Variants in PDE11A observed in about 807,000 individuals in gnomAD.
The protein encoded by PDE11A is dual 3',5'-cyclic-AMP and -GMP phosphodiesterase 11A.
Under a neutral mutation model 100.5 loss-of-function variants are expected in PDE11A, and 100 were observed. That is an observed-to-expected ratio of 1.00 (90% CI 0.85 to 1.18). The LOEUF is 1.18. Among genes scored for constraint, PDE11A ranks in the 50% most tolerant of loss-of-function variants. The pLI, the probability that PDE11A is intolerant of heterozygous loss-of-function variation, is 0.00. For missense variants in PDE11A, 1,141 were observed against 1,152.6 expected, an observed-to-expected ratio of 0.99 and a Z score of 0.15; for synonymous variants, 381 against 420.8, an observed-to-expected ratio of 0.91 and a Z score of 1.16.
At chr2:177,807,519 C>T (rs973092405) in intron 9 of PDE11A, among the ~76,000 whole-genome samples, 2 of 152,132 alleles carry the variant, frequency 1.3e-5, no homozygotes, top group Non-Finnish European at 2.9e-5. Flanking sequence ...CTCCTGGGCT[C>T]AGGCAATCCT....
chr2:178,038,147 T>C (rs2086640579), intron 1 of PDE11A, among the ~76,000 whole-genome samples: 1 of 152,136 alleles, frequency 6.6e-6, no homozygotes, highest in African/African-American at 2.4e-5. Flanking sequence ...ATAAAAAAAC[T>C]GTACATATTT....
chr2:178,100,806 A>G (rs1248535962), intron 2 of PDE11A, among the ~76,000 whole-genome samples: 1 of 152,180 alleles, frequency 6.6e-6, no homozygotes, highest in Admixed American at 6.5e-5. Context: ...ATATTATTTC[A>G]AATCAACGCT....
chr2:178,104,225 T>C, intron 2 of PDE11A: 7 of 1,399,586 alleles, frequency 5.0e-6, no homozygotes, highest in Non-Finnish European at 7.1e-6. Context: ...AATTAGGAAA[T>C]TATTATAATG....
intron 9 of PDE11A, among the ~76,000 whole-genome samples, chr2:177,791,281 A>G (rs952149556): frequency 6.6e-6 from 1 of 151,412 alleles, no homozygotes; most frequent in Non-Finnish European, 1.5e-5. Flanking sequence ...GTAAACTATC[A>G]CAAGAACAAA....
At chr2:177,750,302 T>C (rs1313233378) in intron 10 of PDE11A, among the ~76,000 whole-genome samples, 4 of 152,186 alleles carry the variant, frequency 2.6e-5, no homozygotes, top group African/African-American at 4.8e-5. Context: ...AGGGTGGAAA[T>C]ACTGACAATA....
chr2:177,850,444 C>T (rs1250365752), intron 5 of PDE11A, among the ~76,000 whole-genome samples: 5 of 152,020 alleles, frequency 3.3e-5, no homozygotes, highest in Admixed American at 6.6e-5. Flanking sequence ...AGAAGAAAAC[C>T]CAGGCAATAC....
At position 177,974,462 on chromosome 2, in the gene PDE11A, T is replaced by C. The variant is rs1337396074; in HGVS notation, c.1071+39840A>G. On this transcript the variant is annotated intron_variant, in intron 2 of 19. Coordinates refer to ENST00000286063, the MANE Select transcript of PDE11A (RefSeq NM_016953.4). ...TGAAAAGACCAAATCTACGTCTGAT[T>C]GGTGTACCTGAAAGTGATGTGGAGA... Among the ~76,000 whole-genome samples, 12 of 52,348 alleles carry C rather than the reference T, an allele frequency of 2.3e-4. No individual in the cohort carries two copies. In the East Asian group the frequency reaches 3.3e-3, roughly 14 times the overall value. The allele number at this position is 52,348 out of a possible 152,430, so 34.3% of individuals were successfully genotyped here.
chr2:178,053,697 A>G (rs1179194215), intron 1 of PDE11A, among the ~76,000 whole-genome samples: 1 of 152,206 alleles, frequency 6.6e-6, no homozygotes, highest in African/African-American at 2.4e-5. Context: ...CAAAAATCAC[A>G]AGCATTCCTA....
At chr2:177,823,105 T>C (rs901990921) in intron 6 of PDE11A, among the ~76,000 whole-genome samples, 5 of 152,192 alleles carry the variant, frequency 3.3e-5, no homozygotes, top group African/African-American at 1.2e-4. Flanking sequence ...ATTAGATTGA[T>C]TGATATTTGA....
chr2:177,826,921 T>C lies in PDE11A; in HGVS notation c.1501-6626A>G, dbSNP rs531677875. The stretch of plus-strand genomic sequence containing the variant: ...ACAAGAGCAAATGAATTTCAGCTGA[T>C]CCACAGAGCTTTGTCTCTTAATGTT... On this transcript the variant is annotated intron_variant, in intron 6 of 19. Transcript: ENST00000286063. Among the ~76,000 whole-genome samples, 12 of 152,334 alleles carry C rather than the reference T, an allele frequency of 7.9e-5. No individual in the cohort carries two copies. In the East Asian group the frequency reaches 1.3e-3, roughly 17 times the overall value.
chr2:177,667,364 A>G (rs539843176), intron 18 of PDE11A, among the ~76,000 whole-genome samples: 2 of 152,290 alleles, frequency 1.3e-5, no homozygotes, highest in African/African-American at 4.8e-5. Context: ...TTTTCTTCTA[A>G]GAATTTTATA....
At chr2:177,709,714 A>C (rs970883147) in intron 13 of PDE11A, among the ~76,000 whole-genome samples, 1 of 152,176 alleles carries the variant, frequency 6.6e-6, no homozygotes, top group Non-Finnish European at 1.5e-5. Flanking sequence ...ACGGAGATTC[A>C]AGGTTGTACA....
chr2:178,032,626 G>T (rs80178965), intron 1 of PDE11A, among the ~76,000 whole-genome samples: 4 of 152,174 alleles, frequency 2.6e-5, no homozygotes, highest in Non-Finnish European at 5.9e-5. Flanking sequence ...AACAGGGGTC[G>T]TCAGACACCT....
intron 2 of PDE11A, among the ~76,000 whole-genome samples, chr2:177,951,595 G>C (rs1185903509): frequency 2.0e-5 from 3 of 152,164 alleles, no homozygotes; most frequent in Admixed American, 2.0e-4. Flanking sequence ...TAGAGTAATA[G>C]TGGTAATGAG....
chr2:178,088,359 C>T (rs1344958555), intron 2 of PDE11A, among the ~76,000 whole-genome samples: 1 of 152,132 alleles, frequency 6.6e-6, no homozygotes, highest in Non-Finnish European at 1.5e-5. Flanking sequence ...TATTGTAGGA[C>T]ACAAGGGTTC....
At chr2:177,824,248 C>A (rs2083192775) in intron 6 of PDE11A, among the ~76,000 whole-genome samples, 1 of 152,180 alleles carries the variant, frequency 6.6e-6, no homozygotes, top group Non-Finnish European at 1.5e-5. Flanking sequence ...TCCAAATGGA[C>A]ACACATTACA....
At chr2:177,986,493 C>T (rs2085940752) in intron 2 of PDE11A, among the ~76,000 whole-genome samples, 1 of 152,184 alleles carries the variant, frequency 6.6e-6, no homozygotes, top group Non-Finnish European at 1.5e-5. Flanking sequence ...CCACTTACTA[C>T]TCATGCGTTT....
At chr2:178,079,643 G>A (rs1205168163) in intron 2 of PDE11A, among the ~76,000 whole-genome samples, 1 of 151,954 alleles carries the variant, frequency 6.6e-6, no homozygotes. Flanking sequence ...ATATTCCTTT[G>A]AGTATATACC....
At position 177,836,741 on chromosome 2, in the gene PDE11A, G is replaced by A. The variant is rs185306356; in HGVS notation, c.1500+3510C>T. 2.7e-4 allele frequency among the ~76,000 whole-genome samples: 41 copies of A among 152,246 alleles called. 1 individual carries two copies. In the East Asian group the frequency reaches 6.8e-3, roughly 25 times the overall value. ...TCACTCCTGAGGCCAGTGAGACCAC[G>A]AACTCACCTGGAGGAATGAACAACT... is the stretch of plus-strand genomic sequence containing the variant. On this transcript the variant is annotated intron_variant, in intron 6 of 19. Transcript: ENST00000286063.
Sources: gnomAD v4.1 joint callset for allele counts (sites outside exome capture counted in the v4.1 genomes callset) on GRCh38, gnomAD v4.1.1 for gene constraint, MANE v1.5 for transcripts, NCBI Gene and HGNC (gene_info 2026-07-23, HGNC 2026-07-21) for gene names.